Variants in TP53BP1 observed in about 807,000 individuals in gnomAD.
TP53BP1 encodes the protein TP53-binding protein 1.
Under a neutral mutation model 200.8 loss-of-function variants are expected in TP53BP1, and 61 were observed. The observed-to-expected ratio is 0.30, with a 90% CI of 0.25 to 0.38. The LOEUF is 0.38. Among genes scored for constraint, TP53BP1 ranks in the 10% least tolerant of loss-of-function variants. TP53BP1 has a pLI of 1.00. For synonymous variants in TP53BP1, 822 were observed against 844.3 expected, an observed-to-expected ratio of 0.97 and a Z score of 0.46; for missense variants, 2,144 against 2,371.9, an observed-to-expected ratio of 0.90 and a Z score of 2.00.
rs1287793158 is a variant in TP53BP1 at position 43,492,416 on chromosome 15, T to C, written c.60A>G (p.Gln20=). The change falls in exon 2 of 28, where the codon CAA becomes CAG. Residue 20 remains glutamine, a synonymous_variant. Coordinates refer to ENST00000382044, the MANE Select transcript of TP53BP1 (RefSeq NM_001141980.3). The part of the protein sequence containing the change: ...GSQLDSDFSQ[Q]DTPCLIIEDS... ...CTTCAATTATCAGGCAAGGAGTATCTTGCTGAGAGAAATCTGAATCCAACT... is the reference window on the plus strand; with the variant it reads ...CTTCAATTATCAGGCAAGGAGTATCCTGCTGAGAGAAATCTGAATCCAACT... 6.2e-7 allele frequency: 1 copy of C among 1,613,958 alleles called. No individual in the cohort carries two copies. The highest frequency in any genetic ancestry group is 1.7e-5 in the Admixed American group (1 of 59,984).
intron 10 of TP53BP1, among the ~76,000 whole-genome samples, chr15:43,470,446 C>T (rs2046697563): frequency 6.6e-6 from 1 of 152,160 alleles, no homozygotes; most frequent in Non-Finnish European, 1.5e-5. Context: ...CTACCACAGG[C>T]CTTGAAAGAC....
chr15:43,461,961 C>A (rs2046444390), intron 11 of TP53BP1, among the ~76,000 whole-genome samples: 1 of 151,688 alleles, frequency 6.6e-6, no homozygotes, highest in East Asian at 1.9e-4. Context: ...AGCCACAGAA[C>A]CTGGCCATTC....
At chr15:43,494,246 A>C (rs528694025), upstream of TP53BP1, among the ~76,000 whole-genome samples, 1 of 152,336 alleles carries the variant, frequency 6.6e-6, no homozygotes, top group Admixed American at 6.5e-5. Context: ...CCCCAGGCTC[A>C]GATTTATTTC....
At position 43,403,626 on chromosome 15, in the gene TP53BP1, T is replaced by G. The variant is rs888980230; in HGVS notation, c.*3757A>C. On this transcript the variant is annotated 3_prime_UTR_variant, in exon 28 of 28. Transcript: ENST00000382044. ...TAATCAGACTGTTCTCCTAACACTT[T>G]AACTTCATGGATGTACCTTCCTTCC... The G allele has an allele frequency of 2.3e-6, 3 of 1,290,790 alleles. No homozygotes were observed. Among genetic ancestry groups the G allele is most frequent in the Non-Finnish European group, 3.3e-6 (3 of 896,178 alleles). The allele number at this position is 1,290,790 out of a possible 1,614,324, so 80.0% of individuals were successfully genotyped here. A position where few individuals can be genotyped will look rare whatever the true frequency, so the allele number is the denominator to read the frequency against.
At chr15:43,490,211 T>C (rs560317912) in intron 4 of TP53BP1, among the ~76,000 whole-genome samples, 2 of 152,236 alleles carry the variant, frequency 1.3e-5, no homozygotes, top group Non-Finnish European at 2.9e-5. Flanking sequence ...TGATGCAGCC[T>C]CCTGAGTGGC....
rs1164989944 is a variant in TP53BP1 at position 43,404,528 on chromosome 15, C to A, written c.*2855G>T. On this transcript the variant is annotated 3_prime_UTR_variant, in exon 28 of 28. Coordinates refer to ENST00000382044, the MANE Select transcript of TP53BP1 (RefSeq NM_001141980.3). ...CGACTAGATTATAACAAATACTATACCCAGGCTGGTGGAACTCTGGGCAGG... is the reference window on the plus strand; with the variant it reads ...CGACTAGATTATAACAAATACTATAACCAGGCTGGTGGAACTCTGGGCAGG... The A allele has an allele frequency of 6.2e-7, 1 of 1,614,110 alleles. No individual in the cohort carries two copies. Among genetic ancestry groups the A allele is most frequent in the Non-Finnish European group, 8.5e-7 (1 of 1,180,014 alleles).
chr15:43,410,564 AAAG>A (rs777989560), intron 24 of TP53BP1, among the ~76,000 whole-genome samples: 8 of 148,752 alleles, frequency 5.4e-5, no homozygotes, highest in Non-Finnish European at 1.0e-4. Context: ...TTAAAAAAAA[AAAG>A]AAAAGAAAAG....
At position 43,456,941 on chromosome 15, in the gene TP53BP1, A is replaced by T; in HGVS notation, c.1667T>A (p.Met556Lys). The stretch of plus-strand genomic sequence containing the variant: ...AAATTTAGAATTGAGAACTGGAGAC[A>T]TGGGTTCCGTATCCTCAATCTGTGT... ...ENTQIEDTEPMSPVLNSKFVP... is the reference protein window; with the variant it reads ...ENTQIEDTEPKSPVLNSKFVP... Residue 556 changes from methionine to lysine, a missense_variant, in exon 12 of 28, where the codon ATG becomes AAG. Transcript: ENST00000382044. 1 of 1,614,214 alleles carries T rather than the reference A, an allele frequency of 6.2e-7. No individual in the cohort carries two copies. Among genetic ancestry groups the T allele is most frequent in the Non-Finnish European group, 8.5e-7 (1 of 1,180,042 alleles).
chr15:43,436,647 TTTTC>T (rs1011878091), intron 16 of TP53BP1, among the ~76,000 whole-genome samples: 1 of 151,252 alleles, frequency 6.6e-6, no homozygotes, highest in Non-Finnish European at 1.5e-5. Flanking sequence ...GCTTTTTTTT[TTTTC>T]TTTTTTTTCT....
chr15:43,462,863 C>T (rs2046474081), intron 11 of TP53BP1, among the ~76,000 whole-genome samples: 1 of 152,114 alleles, frequency 6.6e-6, no homozygotes, highest in Non-Finnish European at 1.5e-5. Context: ...TTGAGAACAG[C>T]CTGGCCAACA....
chr15:43,479,274 C>T (rs1195260675), intron 7 of TP53BP1, 123 bp downstream of exon 7: 1 of 1,018,956 alleles, frequency 9.8e-7, no homozygotes, highest in Middle Eastern at 2.3e-4. Context: ...CACAAGTATG[C>T]CCAGTACAAG....
At chr15:43,470,133 A>T (rs2046690844) in intron 10 of TP53BP1, 67 bp from the exon 11 acceptor site, 1 of 1,305,182 alleles carries the variant, frequency 7.7e-7, no homozygotes, top group Non-Finnish European at 1.1e-6. Flanking sequence ...TTCCAAAACC[A>T]CTAAGAACAA....
rs1442280563 is a variant in TP53BP1, at chr15:43,406,892, T to G, written c.*491A>C. On this transcript the variant is annotated 3_prime_UTR_variant, in exon 28 of 28. Transcript: ENST00000382044. ...GGGAGTACCCACAGGTGAGCTGTGA[T>G]CTCAGCTCAGAGAGAGAGCATGAGG... The G allele has an allele frequency of 7.4e-6, 2 of 270,842 alleles. No homozygotes were observed. Among genetic ancestry groups the G allele is most frequent in the Admixed American group, 4.7e-5 (1 of 21,074 alleles). 16.8% of individuals were successfully genotyped at this position (270,842 alleles called of 1,614,324 possible). A position where few individuals can be genotyped will look rare whatever the true frequency, so the allele number is the denominator to read the frequency against.
At chr15:43,408,151 C>T (rs946607191) in intron 26 of TP53BP1, 63 bp from the exon 27 acceptor site, 39 of 1,512,808 alleles carry the variant, frequency 2.6e-5, no homozygotes, top group Non-Finnish European at 3.4e-5. Context: ...TGCCTTTCTG[C>T]AAAGGGACTC....
chr15:43,501,180 A>C (rs1329679024), intron 1 of TP53BP1, among the ~76,000 whole-genome samples: 4 of 151,316 alleles, frequency 2.6e-5, no homozygotes, highest in Admixed American at 2.0e-4. Flanking sequence ...CATACAGTGA[A>C]ATCTATAGCT....
At chr15:43,411,541 G>A (rs1396129106) in intron 24 of TP53BP1, among the ~76,000 whole-genome samples, 1 of 152,220 alleles carries the variant, frequency 6.6e-6, no homozygotes, top group African/African-American at 2.4e-5. Context: ...TTCTGTAGAG[G>A]ATTGTTTTAG....
At chr15:43,435,713 T>C (rs2045780178) in intron 16 of TP53BP1, among the ~76,000 whole-genome samples, 1 of 152,034 alleles carries the variant, frequency 6.6e-6, no homozygotes, top group Non-Finnish European at 1.5e-5. Flanking sequence ...TTTTAATGGA[T>C]AAGACATAAC....
chr15:43,440,447 G>A (rs1375034110), intron 15 of TP53BP1, among the ~76,000 whole-genome samples: 3 of 151,606 alleles, frequency 2.0e-5, no homozygotes, highest in Non-Finnish European at 2.9e-5. Context: ...CCCGGGAGGC[G>A]GAGCTTGCAG....
chr15:43,451,701 G>C (rs1026637012), intron 12 of TP53BP1, among the ~76,000 whole-genome samples: 1 of 152,206 alleles, frequency 6.6e-6, no homozygotes, highest in Non-Finnish European at 1.5e-5. Context: ...TATATACCCA[G>C]TAATGGGATG....
Sources: gnomAD v4.1 joint callset for allele counts (sites outside exome capture counted in the v4.1 genomes callset) on GRCh38, gnomAD v4.1.1 for gene constraint, MANE v1.5 for transcripts, NCBI Gene and HGNC (gene_info 2026-07-23, HGNC 2026-07-21) for gene names.